Variants in MYH16 observed in about 807,000 individuals in gnomAD.
MYH16 encodes myosin heavy chain 16.
chr7:99,286,751 G>A (rs1792284053), intron 28 of MYH16, among the ~76,000 whole-genome samples: 1 of 151,748 alleles, frequency 6.6e-6, no homozygotes, highest in Non-Finnish European at 1.5e-5. Context: ...TTGAGCCCAG[G>A]GATTTCTGAC....
chr7:99,279,861 GTTTT>G (rs948933682), intron 22 of MYH16, 124 bp downstream of exon 4: 31 of 347,668 alleles, frequency 8.9e-5, no homozygotes, highest in African/African-American at 2.8e-4. Flanking sequence ...TTTTTTGGGG[GTTTT>G]TTTTTGTTTG....
intron 28 of MYH16, among the ~76,000 whole-genome samples, chr7:99,287,065 G>A (rs934452644): frequency 2.0e-5 from 3 of 152,216 alleles, no homozygotes; most frequent in African/African-American, 4.8e-5. Context: ...AGACAGCTGG[G>A]GGGAAGAATG....
chr7:99,259,849 GTATA>G (rs143467965), intron 11 of MYH16, among the ~76,000 whole-genome samples: 2 of 145,040 alleles, frequency 1.4e-5, no homozygotes, highest in Non-Finnish European at 3.0e-5. Context: ...GTATGTATGT[GTATA>G]TATATATATA....
chr7:99,268,467 C>CA (rs2150814474), intron 18 of MYH16, among the ~76,000 whole-genome samples: 1 of 152,360 alleles, frequency 6.6e-6, no homozygotes, highest in Non-Finnish European at 1.5e-5. Flanking sequence ...GCTGGTATCT[C>CA]AGAATCTGGC....
intron 28 of MYH16, among the ~76,000 whole-genome samples, chr7:99,287,533 CAAAAAAAA>C (rs397889162): frequency 3.2e-4 from 15 of 46,902 alleles, no homozygotes; most frequent in Non-Finnish European, 4.2e-4. Context: ...AACTTCTTCT[CAAAAAAAA>C]AAAAAAAAAA....
At chr7:99,241,960 A>G (rs374647996) in intron 1 of MYH16, among the ~76,000 whole-genome samples, 86 of 151,878 alleles carry the variant, frequency 5.7e-4, no homozygotes, top group African/African-American at 1.9e-3. Flanking sequence ...CCCTGGGTTC[A>G]AGTGATTCTC....
chr7:99,302,217 T>C (rs990033992), intron 38 of MYH16, among the ~76,000 whole-genome samples: 4 of 150,624 alleles, frequency 2.7e-5, no homozygotes, highest in Non-Finnish European at 5.9e-5. Context: ...AGCAGGAGAA[T>C]TGCTTGAACC....
downstream of MYH16, chr7:99,306,980 A>G (rs1216372307): frequency 2.6e-5 from 4 of 152,558 alleles, no homozygotes; most frequent in East Asian, 7.7e-4. Flanking sequence ...GTCTCATGCA[A>G]CAGGAACCCC....
intron 4 of MYH16, among the ~76,000 whole-genome samples, chr7:99,249,538 C>CAAA (rs1222006408): frequency 6.0e-5 from 3 of 50,276 alleles, no homozygotes; most frequent in Admixed American, 2.5e-4. Flanking sequence ...GACCCTCTCT[C>CAAA]AAAAAAAAAA....
chr7:99,294,212 A>G (rs149354382), intron 33 of MYH16, 62 bp downstream of exon 14: 6,056 of 417,268 alleles, frequency 0.015, 64 homozygotes, highest in Non-Finnish European at 0.022. Flanking sequence ...CAGCAGGGCT[A>G]GGGCAAGGCT....
intron 14 of MYH16, among the ~76,000 whole-genome samples, chr7:99,264,062 G>A (rs1053483531): frequency 2.6e-5 from 4 of 152,212 alleles, no homozygotes; most frequent in South Asian, 2.1e-4. Context: ...TGAGAATTAC[G>A]CTGTAGCCAG....
chr7:99,287,508 G>C (rs2150824761), intron 28 of MYH16, among the ~76,000 whole-genome samples: 1 of 147,380 alleles, frequency 6.8e-6, no homozygotes, highest in Non-Finnish European at 1.5e-5. Context: ...ACTGCAGCCT[G>C]GGCAACAAGA....
chr7:99,270,599 G>A (rs1418320005), intron 18 of MYH16, among the ~76,000 whole-genome samples: 1 of 151,556 alleles, frequency 6.6e-6, no homozygotes, highest in Non-Finnish European at 1.5e-5. Flanking sequence ...TTACAGGCAT[G>A]AGCCACTGCG....
chr7:99,282,189 A>AT (rs35197834), intron 23 of MYH16, among the ~76,000 whole-genome samples: 2 of 151,448 alleles, frequency 1.3e-5, no homozygotes, highest in Non-Finnish European at 2.9e-5. Context: ...CACCCAGCTA[A>AT]TTTTTTTTGT....
At chr7:99,257,857 G>T (rs1397608878) in intron 10 of MYH16, among the ~76,000 whole-genome samples, 1 of 152,064 alleles carries the variant, frequency 6.6e-6, no homozygotes, top group African/African-American at 2.4e-5. Context: ...ATGTTGCCCA[G>T]GCTGGTCTCA....
At chr7:99,249,581 T>TCG (rs932490413) in intron 4 of MYH16, among the ~76,000 whole-genome samples, 6 of 137,454 alleles carry the variant, frequency 4.4e-5, no homozygotes, top group African/African-American at 1.8e-4. Context: ...TGTTTTTTTT[T>TCG]TTTTTTTTTT....
intron 32 of MYH16, 135 bp from the exon 14 acceptor site, chr7:99,293,882 TA>T (rs1792430094): frequency 3.1e-6 from 1 of 326,416 alleles, no homozygotes; most frequent in African/African-American, 2.2e-5. Flanking sequence ...GGCTGTCCTG[TA>T]AACACTCTGC....
chr7:99,277,643 C>A (rs1792134088), exon 21 of MYH16: 1 of 456,934 alleles, frequency 2.2e-6, no homozygotes, highest in Non-Finnish European at 4.4e-6. Context: ...TAAACAAGGT[C>A]AAGGAACTGG....
At chr7:99,246,539 T>C (rs1791733047) in intron 2 of MYH16, among the ~76,000 whole-genome samples, 1 of 151,988 alleles carries the variant, frequency 6.6e-6, no homozygotes, top group Non-Finnish European at 1.5e-5. Flanking sequence ...CCATCTCTAC[T>C]AAAAATACAA....
Sources: allele counts gnomAD v4.1 joint callset (sites outside exome capture counted in the v4.1 genomes callset), GRCh38; gene constraint gnomAD v4.1.1; transcripts MANE v1.5; gene names NCBI Gene and HGNC (gene_info 2026-07-23, HGNC 2026-07-21).